The following PLCE1 variants were observed in gnomAD, a reference collection of about 807,000 sequenced individuals.
PLCE1 encodes the protein 1-phosphatidylinositol 4,5-bisphosphate phosphodiesterase epsilon-1.
PLCE1 carries 119 observed loss-of-function variants against 242.8 expected under a neutral mutation model. The observed-to-expected ratio is 0.49, with a 90% CI of 0.42 to 0.57. The LOEUF (loss-of-function observed/expected upper bound fraction) is 0.57, where lower values mean the gene tolerates loss of function less well. PLCE1 is among the 20% of genes least tolerant of loss of function. PLCE1 has a pLI of 0.00. For missense variants in PLCE1, 2,441 were observed against 2,788.8 expected (o/e 0.88, Z 2.81); for synonymous variants, 945 against 1,017.4 (o/e 0.93, Z 1.35).
chr10:94,081,762 T>C (rs966806432), intron 2 of PLCE1, among the ~76,000 whole-genome samples: 1 of 152,188 alleles, frequency 6.6e-6, no homozygotes, highest in Non-Finnish European at 1.5e-5. Flanking sequence ...CTTTCCAGAA[T>C]CATACAGCTA....
intron 11 of PLCE1, among the ~76,000 whole-genome samples, chr10:94,257,223 A>G (rs2051131120): frequency 6.6e-6 from 1 of 151,784 alleles, no homozygotes. Flanking sequence ...TCAACAAACT[A>G]TATATTTTAT....
At chr10:94,205,059 C>G (rs1275098993) in intron 4 of PLCE1, among the ~76,000 whole-genome samples, 3 of 152,178 alleles carry the variant, frequency 2.0e-5, no homozygotes, top group African/African-American at 7.2e-5. Context: ...CCTGGTATGA[C>G]TTTTAAGATG....
intron 5 of PLCE1, among the ~76,000 whole-genome samples, chr10:94,230,527 G>A (rs937000740): frequency 5.9e-5 from 9 of 152,012 alleles, no homozygotes; most frequent in Non-Finnish European, 1.2e-4. Context: ...CTTTCAACAT[G>A]TTGGCCAGGC....
chr10:94,284,919 A>C lies in PLCE1; in HGVS notation c.4989A>C (p.Pro1663=). Residue 1663 remains proline (P), a synonymous_variant, in exon 22 of 33, where the codon CCA becomes CCC. Coordinates refer to ENST00000371380, the MANE Select transcript of PLCE1 (RefSeq NM_016341.4). ...AAAAGGAAAGCAGACAGATTGCACC[A>C]GAGCTTTCTGACCTTGTAATCTATT... ...QNKKESRQIA[P]ELSDLVIYCQ... The C allele has an allele frequency of 6.2e-7, 1 of 1,611,862 alleles. No homozygotes were observed. Among genetic ancestry groups the C allele is most frequent in the Non-Finnish European group, 8.5e-7 (1 of 1,178,060 alleles).
At chr10:94,171,109 C>G (rs1250953150) in intron 3 of PLCE1, 71 bp from the exon 4 acceptor site, 15 of 1,222,612 alleles carry the variant, frequency 1.2e-5, no homozygotes, top group Non-Finnish European at 1.6e-5. Context: ...TTTGGAATGG[C>G]TCTCAAGTAA....
chr10:94,324,684 G>A, intron 31 of PLCE1, 117 bp downstream of exon 31: 3 of 1,026,536 alleles, frequency 2.9e-6, no homozygotes, highest in South Asian at 2.6e-5. Context: ...AAGGAATGGA[G>A]TTAGGAGAAA....
At chr10:94,248,584 T>C (rs1403468487) in intron 8 of PLCE1, among the ~76,000 whole-genome samples, 1 of 139,616 alleles carries the variant, frequency 7.2e-6, no homozygotes, top group Non-Finnish European at 1.6e-5. Flanking sequence ...AGCAAGACTG[T>C]CTCAAAAAAA....
chr10:94,186,635 C>T (rs1443764676), intron 4 of PLCE1, among the ~76,000 whole-genome samples: 2 of 152,178 alleles, frequency 1.3e-5, no homozygotes, highest in South Asian at 4.1e-4. Flanking sequence ...AGAGACTATT[C>T]ATCGGGTTGG....
chr10:94,044,129 G>T (rs1230225753), intron 2 of PLCE1, among the ~76,000 whole-genome samples: 1 of 152,200 alleles, frequency 6.6e-6, no homozygotes, highest in South Asian at 2.1e-4. Flanking sequence ...TGAGAATCCA[G>T]TGACTGTTTT....
intron 20 of PLCE1, among the ~76,000 whole-genome samples, chr10:94,281,025 T>C (rs1166872118): frequency 1.3e-5 from 2 of 152,218 alleles, no homozygotes; most frequent in Non-Finnish European, 2.9e-5. Context: ...CCCCATGAGC[T>C]AATATGAGAG....
intron 24 of PLCE1, among the ~76,000 whole-genome samples, chr10:94,300,738 G>A (rs1032234685): frequency 2.6e-5 from 4 of 152,132 alleles, no homozygotes; most frequent in African/African-American, 9.7e-5. Flanking sequence ...TCTTTTCCAA[G>A]TGTTTACTTC....
chr10:94,084,658 A>G lies in PLCE1; in HGVS notation c.1207-47516A>G, dbSNP rs187534752. On this transcript the variant is annotated intron_variant, in intron 2 of 32. Coordinates refer to ENST00000371380, the MANE Select transcript of PLCE1 (RefSeq NM_016341.4). ...TTGTCTTTTATCTTGTCTGGTGTCC[A>G]TACATCCCAGCTTTAAATTCCTCTT... Among the ~76,000 whole-genome samples the G allele has an allele frequency of 1.3e-4, 20 of 152,338 alleles. No homozygotes were observed. The East Asian group carries it at 1.7e-3, about 13-fold the overall frequency.
chr10:94,294,378 G>T (rs2052737547), intron 23 of PLCE1, among the ~76,000 whole-genome samples: 1 of 152,032 alleles, frequency 6.6e-6, no homozygotes, highest in Admixed American at 6.6e-5. Context: ...CAATGTCCTG[G>T]TGCTATTCTC....
At chr10:94,123,516 G>A (rs2046356098) in intron 2 of PLCE1, among the ~76,000 whole-genome samples, 2 of 152,184 alleles carry the variant, frequency 1.3e-5, no homozygotes, top group East Asian at 3.9e-4. Context: ...GTGGAATCAT[G>A]AGCAGAGCAA....
chr10:94,177,138 T>C (rs1398165765), intron 4 of PLCE1, among the ~76,000 whole-genome samples: 2 of 152,160 alleles, frequency 1.3e-5, no homozygotes, highest in African/African-American at 4.8e-5. Flanking sequence ...GGAAGAAAAT[T>C]CCTAATACTT....
At chr10:94,012,909 C>A (rs986066212) in intron 1 of PLCE1, among the ~76,000 whole-genome samples, 9 of 152,178 alleles carry the variant, frequency 5.9e-5, no homozygotes, top group Non-Finnish European at 1.0e-4. Context: ...CTCTAGAAAG[C>A]CTTCCTTGAC....
At chr10:94,119,276 T>C (rs2046232878) in intron 2 of PLCE1, among the ~76,000 whole-genome samples, 1 of 152,194 alleles carries the variant, frequency 6.6e-6, no homozygotes, top group South Asian at 2.1e-4. Context: ...CTGTGTCTTG[T>C]TTGAGGTTAT....
At chr10:94,063,212 T>C (rs2044107381) in intron 2 of PLCE1, among the ~76,000 whole-genome samples, 1 of 152,212 alleles carries the variant, frequency 6.6e-6, no homozygotes, top group Non-Finnish European at 1.5e-5. Context: ...GGTGGTTTTG[T>C]TTTTAACTGA....
chr10:94,277,832 A>G (rs2052020360), intron 19 of PLCE1, among the ~76,000 whole-genome samples: 4 of 152,180 alleles, frequency 2.6e-5, no homozygotes, highest in African/African-American at 9.7e-5. Flanking sequence ...TGCACTGGAG[A>G]TCTTTGAAGA....
Sources: gnomAD v4.1 joint callset for allele counts (sites outside exome capture counted in the v4.1 genomes callset) on GRCh38, gnomAD v4.1.1 for gene constraint, MANE v1.5 for transcripts, NCBI Gene and HGNC (gene_info 2026-07-23, HGNC 2026-07-21) for gene names.